PHACTR1: variants seen among roughly 807,000 people sequenced by gnomAD.
PHACTR1 encodes RPEL repeat containing 1.
PHACTR1 carries 16 observed loss-of-function variants against 69.2 expected under a neutral mutation model. The ratio of observed to expected loss-of-function variants is 0.23; its 90% CI spans 0.16 to 0.35. PHACTR1 has a LOEUF of 0.35. Ranked by LOEUF, PHACTR1 falls within the 10% of genes least tolerant of loss-of-function variation. The probability of loss-of-function intolerance (pLI) is 1.00; values close to 1 mark genes in which losing one functional copy is unlikely to be tolerated. For missense variants in PHACTR1, 510 were observed against 734.7 expected (o/e 0.69, Z 3.54); for synonymous variants, 312 against 284.5 (o/e 1.10, Z -0.97).
intron 4 of PHACTR1, among the ~76,000 whole-genome samples, chr6:12,814,888 C>G (rs1237865577): frequency 6.6e-6 from 1 of 152,134 alleles, no homozygotes; most frequent in Non-Finnish European, 1.5e-5. Flanking sequence ...GTGAGAGATC[C>G]TCCATTAAGT....
In PHACTR1 at chr6:13,062,998, C is replaced by T. The variant is rs116157240; in HGVS notation, c.415+9469C>T. Among the ~76,000 whole-genome samples the T allele has an allele frequency of 7.4e-3, 1,127 of 152,302 alleles. 14 individuals are homozygous for T. The highest frequency in any genetic ancestry group is 0.022 in the African/African-American group (903 of 41,574). ...GATGGAGGGTTACAGGCCTTGCACT[C>T]TAACTTAAGTGCTCCCTTGGTGTTC... On this transcript the variant is annotated intron_variant, in intron 5 of 14. Transcript: ENST00000332995.
At chr6:13,147,870 G>A (rs1001075474) in intron 5 of PHACTR1, among the ~76,000 whole-genome samples, 3 of 152,060 alleles carry the variant, frequency 2.0e-5, no homozygotes, top group Non-Finnish European at 4.4e-5. Context: ...TGGTCATAAA[G>A]TGAACACCGT....
At chr6:12,912,343 A>G (rs945742665) in intron 4 of PHACTR1, among the ~76,000 whole-genome samples, 2 of 152,166 alleles carry the variant, frequency 1.3e-5, no homozygotes, top group Admixed American at 1.3e-4. Context: ...GTAGGCCCCC[A>G]GGGGACCCTA....
At chr6:12,913,904 A>G (rs879298334) in intron 4 of PHACTR1, among the ~76,000 whole-genome samples, 2 of 152,236 alleles carry the variant, frequency 1.3e-5, no homozygotes, top group African/African-American at 2.4e-5. Context: ...AACCTGAAGC[A>G]GACTCTGAAG....
At chr6:12,811,127 T>C (rs1464649830) in intron 4 of PHACTR1, among the ~76,000 whole-genome samples, 2 of 152,206 alleles carry the variant, frequency 1.3e-5, no homozygotes, top group Admixed American at 6.5e-5. Context: ...TTTAGCATGA[T>C]AGAGGAAGAT....
At chr6:12,734,684 G>A (rs1340038677) in intron 3 of PHACTR1, among the ~76,000 whole-genome samples, 3 of 152,176 alleles carry the variant, frequency 2.0e-5, no homozygotes, top group Admixed American at 6.6e-5. Flanking sequence ...GGAAGAGAAA[G>A]TTACTGTAGT....
At chr6:13,041,704 T>A (rs1239203080) in intron 4 of PHACTR1, among the ~76,000 whole-genome samples, 3 of 152,122 alleles carry the variant, frequency 2.0e-5, no homozygotes, top group Non-Finnish European at 4.4e-5. Context: ...AGAGAAAAAA[T>A]GTCCAGGAGT....
At chr6:13,223,672 A>G (rs13211846) in intron 8 of PHACTR1, among the ~76,000 whole-genome samples, 68,062 of 151,988 alleles carry the variant, frequency 0.45, 17,885 homozygotes, top group Non-Finnish European at 0.61. Context: ...TCAAATTTCA[A>G]GCCCTTCCTT....
At chr6:13,286,361 G>T (rs138926915) in intron 14 of PHACTR1, 139 bp downstream of exon 14, 10 of 689,298 alleles carry the variant, frequency 1.5e-5, no homozygotes, top group Non-Finnish European at 2.3e-5. Context: ...GCAGGCATGC[G>T]GTTCCACTTT....
intron 4 of PHACTR1, among the ~76,000 whole-genome samples, chr6:12,821,681 T>C (rs952645121): frequency 1.3e-5 from 2 of 152,216 alleles, no homozygotes; most frequent in African/African-American, 4.8e-5. Context: ...CAAGGTTTTT[T>C]AAAACGATAA....
In PHACTR1 at chr6:12,734,042, G is replaced by A. The variant is rs191668757; in HGVS notation, c.103+15195G>A. On this transcript the variant is annotated intron_variant, in intron 3 of 14. Coordinates refer to ENST00000332995, the MANE Select transcript of PHACTR1 (RefSeq NM_030948.6). ...CACATTTTCTTTTTCTGCATCTAGC[G>A]TGATTCAGCAGCCAGCCCCCAGCCC... 9.9e-5 allele frequency among the ~76,000 whole-genome samples: 15 copies of A among 152,216 alleles called. No individual in the cohort carries two copies. In the South Asian group the frequency reaches 1.9e-3, roughly 19 times the overall value.
At chr6:12,819,603 G>T (rs951953383) in intron 4 of PHACTR1, among the ~76,000 whole-genome samples, 2 of 152,102 alleles carry the variant, frequency 1.3e-5, no homozygotes, top group Non-Finnish European at 1.5e-5. Flanking sequence ...ATGAATTCTT[G>T]TCTATCCCAA....
intron 5 of PHACTR1, among the ~76,000 whole-genome samples, chr6:13,067,349 T>C (rs181684125): frequency 5.6e-4 from 86 of 152,312 alleles, no homozygotes; most frequent in Admixed American, 1.7e-3. Context: ...TATATCGCAT[T>C]TCAGATCCAT....
chr6:13,287,027 G>A, intron 14 of PHACTR1, 36 bp from the exon 15 acceptor site: 1 of 1,602,836 alleles, frequency 6.2e-7, no homozygotes, highest in Non-Finnish European at 8.5e-7. Context: ...ACCTTTGGCA[G>A]CCCCTTGGTC....
intron 5 of PHACTR1, among the ~76,000 whole-genome samples, chr6:13,128,016 A>C (rs1208523185): frequency 6.6e-6 from 1 of 151,332 alleles, no homozygotes; most frequent in East Asian, 2.0e-4. Flanking sequence ...AAGGAGAAGT[A>C]TGAGCAAAAG....
At chr6:13,125,337 A>G (rs951817202) in intron 5 of PHACTR1, among the ~76,000 whole-genome samples, 2 of 152,114 alleles carry the variant, frequency 1.3e-5, no homozygotes, top group Non-Finnish European at 2.9e-5. Flanking sequence ...TGATTTGTAA[A>G]TACAATGGTA....
intron 7 of PHACTR1, among the ~76,000 whole-genome samples, chr6:13,204,337 A>G (rs1192390152): frequency 6.6e-6 from 1 of 152,056 alleles, no homozygotes; most frequent in East Asian, 1.9e-4. Context: ...AGAAGAATCT[A>G]TGGCCTCCGA....
chr6:13,254,445 T>C (rs751044419), intron 10 of PHACTR1, among the ~76,000 whole-genome samples: 2 of 152,238 alleles, frequency 1.3e-5, no homozygotes, highest in African/African-American at 2.4e-5. Flanking sequence ...GCAAAGGTCA[T>C]CTAATCTGAT....
chr6:12,770,757 C>T (rs555954839), intron 4 of PHACTR1, among the ~76,000 whole-genome samples: 1 of 152,232 alleles, frequency 6.6e-6, no homozygotes, highest in East Asian at 1.9e-4. Flanking sequence ...TGTGATGTAG[C>T]ATAAGAGCTT....
Sources: gnomAD v4.1 joint callset for allele counts (sites outside exome capture counted in the v4.1 genomes callset) on GRCh38, gnomAD v4.1.1 for gene constraint, MANE v1.5 for transcripts, NCBI Gene and HGNC (gene_info 2026-07-23, HGNC 2026-07-21) for gene names.